CACNA1E: variants seen among roughly 807,000 people sequenced by gnomAD.
CACNA1E encodes the protein calcium voltage-gated channel subunit alpha1 E, also known as voltage-dependent R-type calcium channel subunit alpha-1E.
Under a neutral mutation model 259.2 loss-of-function variants are expected in CACNA1E, and 40 were observed. The observed-to-expected ratio is 0.15, with a 90% CI of 0.12 to 0.20. CACNA1E has a LOEUF of 0.20. Ranked by LOEUF, CACNA1E falls within the 10% of genes least tolerant of loss-of-function variation. CACNA1E has a pLI of 1.00. For missense variants in CACNA1E, 1,874 were observed against 3,040.1 expected, an observed-to-expected ratio of 0.62 and a Z score of 9.02; for synonymous variants, 1,104 against 1,138.5, an observed-to-expected ratio of 0.97 and a Z score of 0.61.
intron 6 of CACNA1E, among the ~76,000 whole-genome samples, chr1:181,616,640 G>C (rs1655243422): frequency 6.6e-6 from 1 of 152,070 alleles, no homozygotes; most frequent in Non-Finnish European, 1.5e-5. Context: ...CCTGAACTGG[G>C]GAGGCAGAGG....
chr1:181,716,027 T>C lies in CACNA1E; in HGVS notation c.1226-13T>C. 1 of 1,554,316 alleles carries C rather than the reference T, an allele frequency of 6.4e-7. No homozygotes were observed. The highest frequency in any genetic ancestry group is 2.4e-5 in the East Asian group (1 of 41,478). On this transcript the variant is annotated splice_polypyrimidine_tract_variant and intron_variant, in intron 9 of 47. Coordinates refer to ENST00000367573, the MANE Select transcript of CACNA1E (RefSeq NM_001205293.3). ...TTGTGGCCTCTCACTGGTCTTCCCT[T>C]TCCCTGATGCAGTGCTTCGAAGGGC...
chr1:181,323,538 C>T (rs1255233348), intron 1 of CACNA1E, among the ~76,000 whole-genome samples: 1 of 152,134 alleles, frequency 6.6e-6, no homozygotes, highest in African/African-American at 2.4e-5. Flanking sequence ...TCTCTCTCTT[C>T]TTCTATTATC....
At chr1:181,606,778 C>A (rs1654279053) in intron 6 of CACNA1E, among the ~76,000 whole-genome samples, 1 of 152,208 alleles carries the variant, frequency 6.6e-6, no homozygotes, top group African/African-American at 2.4e-5. Context: ...CCCAACCCGA[C>A]TCCATCAACC....
chr1:181,387,634 C>T (rs1056062424), intron 1 of CACNA1E, among the ~76,000 whole-genome samples: 5 of 152,200 alleles, frequency 3.3e-5, no homozygotes, highest in Non-Finnish European at 5.9e-5. Flanking sequence ...ACTGGAAGTG[C>T]AGATGGTGTT....
At chr1:181,539,931 C>T (rs1235607025) in intron 3 of CACNA1E, among the ~76,000 whole-genome samples, 2 of 152,070 alleles carry the variant, frequency 1.3e-5, no homozygotes, top group Non-Finnish European at 2.9e-5. Context: ...AATTAGAAAC[C>T]AGGATGCCAG....
Position 181,733,509 on chromosome 1 carries a change from C to T in CACNA1E, c.3021C>T (p.Val1007=), listed in dbSNP as rs776508691. 7.5e-6 allele frequency: 12 copies of T among 1,606,242 alleles called. No homozygotes were observed. In the South Asian group the frequency reaches 1.3e-4, roughly 18 times the overall value. The part of the protein sequence containing the change: ...GGLDEADTPL[V]LPHPELEVGK... Reference sequence around the variant, plus strand: ...TTGATGAGGCTGACACCCCCCTAGTCCTGCCCCATCCTGAGCTGGAAGTGG... The same window carrying T: ...TTGATGAGGCTGACACCCCCCTAGTTCTGCCCCATCCTGAGCTGGAAGTGG... Residue 1007 remains valine, a synonymous_variant, in exon 21 of 48, where the codon GTC becomes GTT. Coordinates refer to ENST00000367573, the MANE Select transcript of CACNA1E (RefSeq NM_001205293.3).
chr1:181,725,788 T>G (rs1382249737), intron 17 of CACNA1E, among the ~76,000 whole-genome samples: 1 of 152,224 alleles, frequency 6.6e-6, no homozygotes, highest in Non-Finnish European at 1.5e-5. Context: ...TGGGGTAGAC[T>G]TCTCCTGGTT....
At chr1:181,590,585 C>T (rs1483786396) in intron 6 of CACNA1E, among the ~76,000 whole-genome samples, 3 of 152,046 alleles carry the variant, frequency 2.0e-5, no homozygotes, top group Non-Finnish European at 2.9e-5. Flanking sequence ...GACTTTTGTC[C>T]CCTCAGCTTC....
intron 3 of CACNA1E, among the ~76,000 whole-genome samples, chr1:181,572,572 T>C (rs751486211): frequency 2.6e-5 from 4 of 152,198 alleles, no homozygotes; most frequent in African/African-American, 4.8e-5. Context: ...CACCCCCCTG[T>C]ATACAGAGCT....
intron 1 of CACNA1E, among the ~76,000 whole-genome samples, chr1:181,332,754 A>G (rs1053388673): frequency 3.9e-5 from 6 of 152,206 alleles, no homozygotes; most frequent in Non-Finnish European, 7.3e-5. Context: ...GGTGATTATT[A>G]ACCTTTGTAG....
chr1:181,680,089 G>A (rs1369504097), intron 7 of CACNA1E, among the ~76,000 whole-genome samples: 2 of 126,608 alleles, frequency 1.6e-5, no homozygotes, highest in Non-Finnish European at 3.1e-5. Context: ...CTGCATGACA[G>A]AGTGAGACCT....
chr1:181,537,647 A>G (rs1344078979), intron 3 of CACNA1E, among the ~76,000 whole-genome samples: 3 of 152,196 alleles, frequency 2.0e-5, no homozygotes, highest in African/African-American at 7.2e-5. Flanking sequence ...GTTACTTCAC[A>G]TTCAAAATGA....
chr1:181,531,458 G>A (rs1004102947), intron 3 of CACNA1E, among the ~76,000 whole-genome samples: 14 of 152,114 alleles, frequency 9.2e-5, no homozygotes, highest in Admixed American at 2.6e-4. Context: ...GTTCTCTAGG[G>A]TGACTTGTGT....
rs189974622 is a variant in CACNA1E, at chr1:181,736,150, G to A, written c.3263-125G>A. On this transcript the variant is annotated intron_variant, in intron 21 of 47. Coordinates refer to ENST00000367573, the MANE Select transcript of CACNA1E (RefSeq NM_001205293.3). ...AGTAAATACCCCCAGTGCCTGCAGG[G>A]CACCTTGTTAGGGACATCCCTGGAG... 8 of 1,129,502 alleles carry A rather than the reference G, an allele frequency of 7.1e-6. No individual in the cohort carries two copies. The East Asian group carries it at 1.8e-4, about 26-fold the overall frequency. The allele number at this position is 1,129,502 out of a possible 1,614,324, so 70.0% of individuals were successfully genotyped here. A position where few individuals can be genotyped will look rare whatever the true frequency, so the allele number is the denominator to read the frequency against.
chr1:181,320,727 C>T (rs1553226888), intron 1 of CACNA1E, among the ~76,000 whole-genome samples: 1 of 151,914 alleles, frequency 6.6e-6, no homozygotes, highest in Non-Finnish European at 1.5e-5. Flanking sequence ...GCTGCTCAGC[C>T]GGGGGGGTGA....
In CACNA1E at chr1:181,785,386, G is replaced by A. The variant is rs557456591; in HGVS notation, c.5647G>A (p.Val1883Met). ...CATGGACTACTATAAGCAGAGTAAG[G>A]TGAAGAAGCAGAGGCAGCAGCTGGA... ...MIMDYYKQSK[V>M]KKQRQQLEEQ... The change falls in exon 42 of 48, where the codon GTG (valine) becomes ATG (methionine). Residue 1883 changes from valine (V) to methionine (M), a missense_variant. Around this residue, in one of 14 missense-constraint regions of CACNA1E, gnomAD observed 542 missense variants for 587.2 expected, o/e 0.92. Transcript: ENST00000367573. 86 of 1,613,354 alleles carry A rather than the reference G, an allele frequency of 5.3e-5. No homozygotes were observed. In the East Asian group the frequency reaches 1.7e-3, roughly 32 times the overall value.
intron 1 of CACNA1E, among the ~76,000 whole-genome samples, chr1:181,348,637 C>T (rs1385893374): frequency 6.6e-6 from 1 of 152,032 alleles, no homozygotes; most frequent in Non-Finnish European, 1.5e-5. Flanking sequence ...GTTTTTGTGC[C>T]TTTTAGTATT....
At chr1:181,690,581 C>A (rs1558269885) in intron 7 of CACNA1E, among the ~76,000 whole-genome samples, 1 of 152,178 alleles carries the variant, frequency 6.6e-6, no homozygotes, top group Admixed American at 6.5e-5. Flanking sequence ...TGGCCATTTT[C>A]ATGATACTGA....
At chr1:181,400,726 GCT>G (rs1557972965) in intron 1 of CACNA1E, among the ~76,000 whole-genome samples, 1 of 151,822 alleles carries the variant, frequency 6.6e-6, no homozygotes, top group South Asian at 2.1e-4. Flanking sequence ...GCCATCACGG[GCT>G]CTCTCTCTCT....
Sources: gnomAD v4.1 joint callset for allele counts (sites outside exome capture counted in the v4.1 genomes callset) on GRCh38, gnomAD v4.1.1 for gene constraint, gnomAD v4.1.1 regional missense constraint, MANE v1.5 for transcripts, NCBI Gene and HGNC (gene_info 2026-07-23, HGNC 2026-07-21) for gene names.